The following SH3PXD2A variants were observed in gnomAD, a reference collection of about 807,000 sequenced individuals.
SH3PXD2A encodes the protein SH3 and PX domain-containing protein 2A.
SH3PXD2A carries 32 observed loss-of-function variants against 115.2 expected under a neutral mutation model. That is an observed-to-expected ratio of 0.28 (90% CI 0.21 to 0.37). The LOEUF is 0.37. Among genes scored for constraint, SH3PXD2A ranks in the 10% least tolerant of loss-of-function variants. The pLI, the probability that SH3PXD2A is intolerant of heterozygous loss-of-function variation, is 1.00. For synonymous variants in SH3PXD2A, 610 were observed against 629.1 expected (o/e 0.97, Z 0.45); for missense variants, 1,328 against 1,498.7 (o/e 0.89, Z 1.88).
At chr10:103,810,066 C>T (rs370364898) in intron 1 of SH3PXD2A, among the ~76,000 whole-genome samples, 4 of 152,166 alleles carry the variant, frequency 2.6e-5, no homozygotes, top group Non-Finnish European at 2.9e-5. Flanking sequence ...GGAGCCTCTA[C>T]TTATTACCCT....
chr10:103,659,095 G>C (rs968215872), intron 8 of SH3PXD2A, among the ~76,000 whole-genome samples: 6 of 152,218 alleles, frequency 3.9e-5, no homozygotes, highest in African/African-American at 1.4e-4. Flanking sequence ...CTCCCCCTTT[G>C]TCAAGGCTCC....
intron 1 of SH3PXD2A, among the ~76,000 whole-genome samples, chr10:103,842,101 G>A (rs1294013958): frequency 2.7e-5 from 4 of 148,434 alleles, no homozygotes; most frequent in African/African-American, 1.0e-4. Flanking sequence ...CTGCAGCCTG[G>A]GCGACAGAGC....
intron 4 of SH3PXD2A, 66 bp from the exon 5 acceptor site, chr10:103,724,427 T>C: frequency 1.1e-6 from 1 of 928,130 alleles, no homozygotes; most frequent in Non-Finnish European, 1.6e-6. Flanking sequence ...ACCAAGACAG[T>C]GTCACCTTAC....
At chr10:103,638,201 G>A (rs774174053) in intron 8 of SH3PXD2A, among the ~76,000 whole-genome samples, 12 of 152,152 alleles carry the variant, frequency 7.9e-5, no homozygotes, top group African/African-American at 1.4e-4. Context: ...TCCCCTAGAC[G>A]GGCTCTGAGG....
At chr10:103,799,942 T>C (rs2039131237) in intron 2 of SH3PXD2A, among the ~76,000 whole-genome samples, 1 of 152,122 alleles carries the variant, frequency 6.6e-6, no homozygotes, top group Non-Finnish European at 1.5e-5. Flanking sequence ...GGAAGCTAGG[T>C]CACCCTTGGC....
intron 8 of SH3PXD2A, among the ~76,000 whole-genome samples, chr10:103,654,206 C>T (rs1209653975): frequency 6.6e-6 from 1 of 152,138 alleles, no homozygotes; most frequent in Non-Finnish European, 1.5e-5. Context: ...TGACTTGTGT[C>T]GCCAACCCTT....
intron 8 of SH3PXD2A, among the ~76,000 whole-genome samples, chr10:103,654,194 C>A (rs1335346174): frequency 6.6e-6 from 1 of 152,066 alleles, no homozygotes. Context: ...CCAATGGGAC[C>A]CTGACTTGTG....
chr10:103,655,225 C>T (rs1264977322), intron 8 of SH3PXD2A, among the ~76,000 whole-genome samples: 1 of 152,204 alleles, frequency 6.6e-6, no homozygotes. Flanking sequence ...TGTGGCACCA[C>T]ATCTAAATGG....
At chr10:103,730,834 G>A (rs2038307117) in intron 4 of SH3PXD2A, among the ~76,000 whole-genome samples, 2 of 152,160 alleles carry the variant, frequency 1.3e-5, no homozygotes, top group Non-Finnish European at 2.9e-5. Flanking sequence ...TCCTGCAGAG[G>A]AGAAATGCAC....
intron 4 of SH3PXD2A, among the ~76,000 whole-genome samples, chr10:103,725,509 A>G (rs541185706): frequency 6.6e-6 from 1 of 152,254 alleles, no homozygotes; most frequent in East Asian, 1.9e-4. Flanking sequence ...CTGCAGCTGG[A>G]AAGTGAGGCA....
chr10:103,709,070 C>T (rs1037460253), intron 5 of SH3PXD2A, among the ~76,000 whole-genome samples: 1 of 152,060 alleles, frequency 6.6e-6, no homozygotes, highest in African/African-American at 2.4e-5. Context: ...TAAATCAGAC[C>T]TGGCCACAGC....
At chr10:103,632,742 A>C (rs1272368171) in intron 8 of SH3PXD2A, among the ~76,000 whole-genome samples, 1 of 152,160 alleles carries the variant, frequency 6.6e-6, no homozygotes, top group Non-Finnish European at 1.5e-5. Flanking sequence ...TTGGGAGGCC[A>C]AGGTGGGCAG....
chr10:103,771,358 G>A (rs966960773), intron 2 of SH3PXD2A, among the ~76,000 whole-genome samples: 3 of 152,172 alleles, frequency 2.0e-5, no homozygotes, highest in Non-Finnish European at 4.4e-5. Flanking sequence ...GAGTGGGCAG[G>A]GGCAGGCAGG....
At chr10:103,635,695 T>C (rs7900994) in intron 8 of SH3PXD2A, among the ~76,000 whole-genome samples, 22,382 of 152,140 alleles carry the variant, frequency 0.15, 2,178 homozygotes, top group African/African-American at 0.25. Context: ...TTTAGGAGAA[T>C]CCCAAACTGG....
chr10:103,852,262 G>A (rs564212689), intron 1 of SH3PXD2A, among the ~76,000 whole-genome samples: 4 of 152,360 alleles, frequency 2.6e-5, no homozygotes, highest in East Asian at 1.9e-4. Flanking sequence ...AGCTACTTGC[G>A]TGCCTTCATG....
At chr10:103,851,174 G>T (rs1193178978) in intron 1 of SH3PXD2A, among the ~76,000 whole-genome samples, 1 of 149,382 alleles carries the variant, frequency 6.7e-6, no homozygotes, top group Non-Finnish European at 1.5e-5. Flanking sequence ...GAAGGGCACA[G>T]AAATGAATGA....
chr10:103,718,297 A>G (rs2038131672), intron 5 of SH3PXD2A, among the ~76,000 whole-genome samples: 1 of 152,156 alleles, frequency 6.6e-6, no homozygotes, highest in South Asian at 2.1e-4. Context: ...GATTACAGGC[A>G]TAAGCCACCG....
At chr10:103,770,195 A>G (rs1003994829) in intron 2 of SH3PXD2A, among the ~76,000 whole-genome samples, 3 of 152,170 alleles carry the variant, frequency 2.0e-5, no homozygotes, top group Non-Finnish European at 4.4e-5. Flanking sequence ...CATGTCAATG[A>G]ATACTTTCAT....
intron 5 of SH3PXD2A, among the ~76,000 whole-genome samples, chr10:103,704,476 A>G (rs905767223): frequency 2.6e-5 from 4 of 152,126 alleles, no homozygotes; most frequent in African/African-American, 9.7e-5. Flanking sequence ...CATCTGAATG[A>G]CTGTTATCAC....
Sources: allele counts gnomAD v4.1 joint callset (sites outside exome capture counted in the v4.1 genomes callset), GRCh38; gene constraint gnomAD v4.1.1; transcripts MANE v1.5; gene names NCBI Gene and HGNC (gene_info 2026-07-23, HGNC 2026-07-21).